Variants in STK24 observed in about 807,000 individuals in gnomAD.
STK24 encodes the protein serine/threonine-protein kinase 24.
In STK24, 21 loss-of-function variants were observed where a neutral mutation model predicts 55.6. The ratio of observed to expected loss-of-function variants is 0.38; its 90% CI spans 0.27 to 0.54. The LOEUF (loss-of-function observed/expected upper bound fraction) is 0.54, where lower values mean the gene tolerates loss of function less well. Among genes scored for constraint, STK24 ranks in the 20% least tolerant of loss-of-function variants. The pLI, the probability that STK24 is intolerant of heterozygous loss-of-function variation, is 0.79. For synonymous variants in STK24, 200 were observed against 215.2 expected, an observed-to-expected ratio of 0.93 and a Z score of 0.62; for missense variants, 383 against 538.4, an observed-to-expected ratio of 0.71 and a Z score of 2.86.
chr13:98,462,003 C>A, intron 7 of STK24, 106 bp from the exon 8 acceptor site: 1 of 1,452,296 alleles, frequency 6.9e-7, no homozygotes, highest in Non-Finnish European at 9.4e-7. Context: ...CCCACACCCA[C>A]CAGCCCCAAG....
intron 1 of STK24, among the ~76,000 whole-genome samples, chr13:98,565,021 C>T (rs1272540721): frequency 6.6e-6 from 1 of 152,176 alleles, no homozygotes; most frequent in Non-Finnish European, 1.5e-5. Context: ...GTTAGGTCAG[C>T]GGTTCCAAAG....
chr13:98,538,222 CTTTTTTTTTTT>C (rs55720452), intron 1 of STK24, among the ~76,000 whole-genome samples: 3 of 91,610 alleles, frequency 3.3e-5, no homozygotes, highest in Non-Finnish European at 6.1e-5. Context: ...TTGGTGCTTG[CTTTTTTTTTTT>C]TTTTTTTTTT....
rs201809991 is a variant in STK24 at position 98,458,345 on chromosome 13, GA to G, written c.1123-1042del. Among the ~76,000 whole-genome samples, 553 of 152,298 alleles carry G rather than the reference GA, an allele frequency of 3.6e-3. 3 individuals are homozygous for G. The highest frequency in any genetic ancestry group is 0.013 in the African/African-American group (531 of 41,564). ...TGGACACCGCCTCCTCTTCAGGGAAGAAAGAAACATCTCAGGCGACATTCAG... is the reference window on the plus strand; with the variant it reads ...TGGACACCGCCTCCTCTTCAGGGAAGAAGAAACATCTCAGGCGACATTCAG... On this transcript the variant is annotated intron_variant, in intron 9 of 10. Coordinates refer to ENST00000539966, the MANE Select transcript of STK24 (RefSeq NM_001032296.4).
At position 98,473,274 on chromosome 13, in the gene STK24, G is replaced by GGGGA; in HGVS notation, c.597+1546_597+1547insTCCC. Among the ~76,000 whole-genome samples the GGGGA allele has an allele frequency of 2.4e-3, 5 of 2,080 alleles. 1 individual carries two copies. The highest frequency in any genetic ancestry group is 4.2e-3 in the Non-Finnish European group (5 of 1,182). The allele number at this position is 2,080 out of a possible 152,430, so 1.4% of individuals were successfully genotyped here. On this transcript the variant is annotated intron_variant, in intron 5 of 10. Coordinates refer to ENST00000539966, the MANE Select transcript of STK24 (RefSeq NM_001032296.4). ...AGAGAAGGAAGGGGAGGAAGGAAAGGGGAAAGGAAGGAGGGAGAGAGGGAA... is the reference window on the plus strand; with the variant it reads ...AGAGAAGGAAGGGGAGGAAGGAAAGGGGGAGGAAAGGAAGGAGGGAGAGAGGGAA...
chr13:98,505,435 G>A (rs769871498), intron 2 of STK24, among the ~76,000 whole-genome samples: 2 of 152,246 alleles, frequency 1.3e-5, no homozygotes, highest in African/African-American at 2.4e-5. Context: ...AACAGCAGAA[G>A]CATGTATGTA....
chr13:98,476,242 C>CA (rs1894368538), intron 3 of STK24, among the ~76,000 whole-genome samples: 1 of 128,982 alleles, frequency 7.8e-6, no homozygotes, highest in Non-Finnish European at 1.6e-5. Flanking sequence ...GACGGGAAGC[C>CA]CCCCCCCGCC....
At position 98,456,797 on chromosome 13, in the gene STK24, T is replaced by C. The variant is rs1018624965; in HGVS notation, c.1259+371A>G. On this transcript the variant is annotated intron_variant, in intron 10 of 10. Coordinates refer to ENST00000539966, the MANE Select transcript of STK24 (RefSeq NM_001032296.4). The stretch of plus-strand genomic sequence containing the variant: ...CCAAAGCTGCTGTCATTTCTCACAC[T>C]TGACTTTAAAGCCGAAAACCAGATA... 1.4e-5 allele frequency: 5 copies of C among 361,966 alleles called. No individual in the cohort carries two copies. In the Admixed American group the frequency reaches 1.6e-4, roughly 12 times the overall value. 22.4% of individuals were successfully genotyped at this position (361,966 alleles called of 1,614,324 possible).
chr13:98,481,626 T>C (rs1466103984), intron 3 of STK24, among the ~76,000 whole-genome samples: 1 of 152,132 alleles, frequency 6.6e-6, no homozygotes, highest in Non-Finnish European at 1.5e-5. Flanking sequence ...CAAAAGTAAA[T>C]AGAACCTGTT....
Position 98,482,295 on chromosome 13 carries a change from T to A in STK24, c.300A>T (p.Glu100Asp). The A allele has an allele frequency of 6.3e-7, 1 of 1,576,698 alleles. No individual in the cohort carries two copies. Residue 100 changes from glutamate (E) to aspartate (D), a missense_variant, in exon 3 of 11, where the codon GAA becomes GAT. Glu to Asp is a conservative substitution (Grantham distance 45). Transcript: ENST00000539966. The part of the protein sequence containing the change: ...LKDTKLWIIM[E>D]YLGGGSALDL... ...CTAGTGCGGAGCCTCCACCAAGATATTCCATTATTATCCATAATTTTGTAT... is the reference window on the plus strand; with the variant it reads ...CTAGTGCGGAGCCTCCACCAAGATAATCCATTATTATCCATAATTTTGTAT...
rs374138820 is a variant in STK24 at position 98,483,125 on chromosome 13, C to T, written c.274-804G>A. On this transcript the variant is annotated intron_variant, in intron 2 of 10. Coordinates refer to ENST00000539966, the MANE Select transcript of STK24 (RefSeq NM_001032296.4). The stretch of plus-strand genomic sequence containing the variant: ...CAAGCCCGCAAACCTGTCCGCCCTC[C>T]TTGGGGAGCCAGGCAGTGCAGGGCA... 1.3e-4 allele frequency among the ~76,000 whole-genome samples: 20 copies of T among 152,366 alleles called. 2 individuals carry two copies. Among genetic ancestry groups the T allele is most frequent in the African/African-American group, 4.6e-4 (19 of 41,598 alleles).
chr13:98,460,926 C>T (rs1893676347), intron 8 of STK24, among the ~76,000 whole-genome samples: 1 of 151,548 alleles, frequency 6.6e-6, no homozygotes. Context: ...CACATGCCTG[C>T]AATCCCAGTT....
At chr13:98,564,252 C>T (rs191857858) in intron 1 of STK24, among the ~76,000 whole-genome samples, 6 of 152,280 alleles carry the variant, frequency 3.9e-5, no homozygotes, top group African/African-American at 1.2e-4. Flanking sequence ...TAACCAAAGA[C>T]GGTCATTTCA....
At chr13:98,505,705 A>T (rs982057553) in intron 2 of STK24, among the ~76,000 whole-genome samples, 8 of 152,278 alleles carry the variant, frequency 5.3e-5, no homozygotes, top group African/African-American at 1.4e-4. Context: ...TTCCATCTGC[A>T]GTGACCAACA....
At chr13:98,566,988 G>A (rs1210141334) in intron 1 of STK24, among the ~76,000 whole-genome samples, 5 of 152,062 alleles carry the variant, frequency 3.3e-5, no homozygotes, top group Non-Finnish European at 5.9e-5. Flanking sequence ...AAATAACTGC[G>A]GGCTAAGGCT....
intron 1 of STK24, chr13:98,522,146 T>TC: frequency 8.4e-7 from 1 of 1,191,414 alleles, no homozygotes; most frequent in Non-Finnish European, 1.1e-6. Context: ...AACCACGCCC[T>TC]CCCCCTCCTC....
At chr13:98,542,031 T>C (rs1182035527) in intron 1 of STK24, among the ~76,000 whole-genome samples, 1 of 152,186 alleles carries the variant, frequency 6.6e-6, no homozygotes, top group Non-Finnish European at 1.5e-5. Context: ...GCTCGTTCCA[T>C]CTCCACCCGC....
chr13:98,460,349 GA>G lies in STK24; in HGVS notation c.1122+22del, dbSNP rs761914244. 9.4e-5 allele frequency: 151 copies of G among 1,609,948 alleles called. 1 individual carries two copies. In the African/African-American group the frequency reaches 1.9e-3, roughly 20 times the overall value. On this transcript the variant is annotated intron_variant, in intron 9 of 10. Transcript: ENST00000539966. The stretch of plus-strand genomic sequence containing the variant: ...CTCCTTCCCCCTCCCCTCCCACTCC[GA>G]AAAGGCCAGCCAGGTACCTACCTCT...
intron 5 of STK24, among the ~76,000 whole-genome samples, chr13:98,473,947 A>C (rs182593443): frequency 6.6e-6 from 1 of 152,366 alleles, no homozygotes; most frequent in Non-Finnish European, 1.5e-5. Flanking sequence ...GTTTAAAAGC[A>C]GCAGCAAGGT....
At chr13:98,486,761 C>T (rs1167758267) in intron 2 of STK24, among the ~76,000 whole-genome samples, 1 of 152,188 alleles carries the variant, frequency 6.6e-6, no homozygotes, top group Non-Finnish European at 1.5e-5. Flanking sequence ...TGGTTCCTGA[C>T]CAGAAGCACC....
Sources: allele counts gnomAD v4.1 joint callset (sites outside exome capture counted in the v4.1 genomes callset), GRCh38; gene constraint gnomAD v4.1.1; transcripts MANE v1.5; gene names NCBI Gene and HGNC (gene_info 2026-07-23, HGNC 2026-07-21).